DNAJC2: variants seen among roughly 807,000 people sequenced by gnomAD.
DNAJC2 encodes the protein DnaJ heat shock protein family (Hsp40) member C2, also known as dnaJ homolog subfamily C member 2.
A neutral mutation model predicts 94.0 loss-of-function variants in DNAJC2; 32 were observed. The ratio of observed to expected loss-of-function variants is 0.34; its 90% CI spans 0.26 to 0.46. The LOEUF is 0.46. Ranked by LOEUF, DNAJC2 falls within the 20% of genes least tolerant of loss-of-function variation. The pLI is 1.00. For missense variants in DNAJC2, 550 were observed against 719.5 expected (o/e 0.76, Z 2.69); for synonymous variants, 210 against 229.7 (o/e 0.91, Z 0.77).
At chr7:103,313,430 T>C in intron 15 of DNAJC2, 1 of 984,068 alleles carries the variant, frequency 1.0e-6, no homozygotes. Flanking sequence ...ACTGTTGGAC[T>C]CTTGGACTCA....
At chr7:103,319,458 G>C (rs530852162) in intron 12 of DNAJC2, 151 bp downstream of exon 12, 9 of 830,680 alleles carry the variant, frequency 1.1e-5, no homozygotes, top group Non-Finnish European at 1.7e-5. Context: ...CCAAAAAACC[G>C]AACACATAAA....
chr7:103,315,676 C>T (rs751342677), intron 15 of DNAJC2, 88 bp downstream of exon 15: 28 of 785,502 alleles, frequency 3.6e-5, no homozygotes, highest in Non-Finnish European at 5.6e-5. Context: ...ATTTCCCTAT[C>T]ATTCTGAACA....
intron 3 of DNAJC2, chr7:103,336,511 T>C (rs1001202645): frequency 6.6e-6 from 1 of 152,110 alleles, no homozygotes; most frequent in East Asian, 1.9e-4. Flanking sequence ...ACCCAGCTAA[T>C]TTTTTTGTAT....
rs189568072 is a variant in DNAJC2, at chr7:103,319,465, T to C, written c.1242+144A>G. ...ACAAAAAACCAAAAAACCGAACACA[T>C]AAAACAACAACAACAAAACAGTGGG... is the stretch of plus-strand genomic sequence containing the variant. On this transcript the variant is annotated intron_variant, in intron 12 of 16. Transcript: ENST00000379263. The C allele has an allele frequency of 2.7e-5, 24 of 892,768 alleles. No individual in the cohort carries two copies. In the Admixed American group the frequency reaches 6.0e-4, roughly 22 times the overall value. The allele number at this position is 892,768 out of a possible 1,614,324, so 55.3% of individuals were successfully genotyped here.
At chr7:103,326,490 T>A in intron 5 of DNAJC2, 53 bp downstream of exon 5, 1 of 1,579,888 alleles carries the variant, frequency 6.3e-7, no homozygotes, top group South Asian at 1.1e-5. Context: ...CCTGGAAGAC[T>A]ACAATAAACA....
chr7:103,323,227 G>T (rs1420365797), intron 7 of DNAJC2, among the ~76,000 whole-genome samples: 1 of 152,082 alleles, frequency 6.6e-6, no homozygotes, highest in Non-Finnish European at 1.5e-5. Context: ...AGCACGCCCG[G>T]CCTAAACAGT....
At chr7:103,335,534 CTTTCT>C (rs1299906763) in intron 3 of DNAJC2, 1 of 150,098 alleles carries the variant, frequency 6.7e-6, no homozygotes, top group African/African-American at 2.4e-5. Context: ...TTCTTTCTTT[CTTTCT>C]TTTTTTTTTT....
At chr7:103,337,614 A>G in intron 3 of DNAJC2, 122 bp downstream of exon 3, 1 of 785,066 alleles carries the variant, frequency 1.3e-6, no homozygotes, top group Admixed American at 2.7e-5. Context: ...TTATGACAAT[A>G]TAACACATGC....
In DNAJC2 at chr7:103,319,812, C is replaced by G; in HGVS notation, c.1116G>C (p.Glu372Asp). 6.2e-7 allele frequency: 1 copy of G among 1,614,174 alleles called. No homozygotes were observed. The highest frequency in any genetic ancestry group is 8.5e-7 in the Non-Finnish European group (1 of 1,180,024). Residue 372 changes from glutamate to aspartate, a missense_variant, in exon 11 of 17, where the codon GAG becomes GAC. Transcript: ENST00000379263. The stretch of plus-strand genomic sequence containing the variant: ...CCACTTCTTCCATCATTTTAACCCG[C>G]TCTGCCTCATTATCAGAAAAATGAT... The part of the protein sequence containing the change: ...TWNHFSDNEA[E>D]RVKMMEEVEK...
intron 10 of DNAJC2, 44 bp from the exon 11 acceptor site, chr7:103,319,888 A>G: frequency 1.3e-6 from 2 of 1,589,872 alleles, no homozygotes; most frequent in Non-Finnish European, 1.7e-6. Flanking sequence ...TCAAAAATAC[A>G]TCCATCAACA....
rs1032604057 is a variant in DNAJC2 at position 103,319,952 on chromosome 7, T to C, written c.1084-108A>G. 4.1e-6 allele frequency: 5 copies of C among 1,207,988 alleles called. No homozygotes were observed. The Admixed American group carries it at 7.4e-5, about 18-fold the overall frequency. The allele number at this position is 1,207,988 out of a possible 1,614,324, so 74.8% of individuals were successfully genotyped here. ...CGGGAGGCTGAGGCAGGAGAATCGC[T>C]TGAACCTGGAGGCGGAAATTGCAGC... On this transcript the variant is annotated intron_variant, in intron 10 of 16. Coordinates refer to ENST00000379263, the MANE Select transcript of DNAJC2 (RefSeq NM_014377.3).
At chr7:103,334,617 TA>T (rs920334611) in intron 3 of DNAJC2, among the ~76,000 whole-genome samples, 169 of 141,822 alleles carry the variant, frequency 1.2e-3, no homozygotes, top group South Asian at 2.7e-3. Context: ...TTTTTTTAAT[TA>T]AAAAAAAAAA....
intron 3 of DNAJC2, chr7:103,335,141 C>T (rs1425339931): frequency 1.3e-5 from 2 of 152,086 alleles, no homozygotes; most frequent in African/African-American, 2.4e-5. Context: ...GCTCCTACTT[C>T]ACACTTAATT....
chr7:103,327,199 G>C lies in DNAJC2; in HGVS notation c.430+457C>G, dbSNP rs1244193428. 18 of 407,442 alleles carry C rather than the reference G, an allele frequency of 4.4e-5. 1 individual carries two copies. Among genetic ancestry groups the C allele is most frequent in the South Asian group, 3.3e-4 (16 of 48,228 alleles). The allele number at this position is 407,442 out of a possible 1,614,324, so 25.2% of individuals were successfully genotyped here. A position where few individuals can be genotyped will look rare whatever the true frequency, so the allele number is the denominator to read the frequency against. ...ATAGCAATAAGTAACTGTAGGGTCT[G>C]TACTAGGATATAATCAACTTCTTGA... On this transcript the variant is annotated intron_variant, in intron 4 of 16. Coordinates refer to ENST00000379263, the MANE Select transcript of DNAJC2 (RefSeq NM_014377.3).
rs1817795916 is a variant in DNAJC2, at chr7:103,312,421, T to C, written c.*148A>G. The C allele has an allele frequency of 5.3e-6, 8 of 1,508,962 alleles. No homozygotes were observed. In the South Asian group the frequency reaches 9.2e-5, roughly 17 times the overall value. 93.5% of individuals were successfully genotyped at this position (1,508,962 alleles called of 1,614,324 possible). Reference sequence around the variant, plus strand: ...AAAAAGACTACCCCTCTGAAGGTTGTTTTGTATTAATGGTCAGTCTTTGTT... The same window carrying C: ...AAAAAGACTACCCCTCTGAAGGTTGCTTTGTATTAATGGTCAGTCTTTGTT... On this transcript the variant is annotated 3_prime_UTR_variant, in exon 17 of 17. Transcript: ENST00000379263.
In DNAJC2 at chr7:103,322,707, T is replaced by C; in HGVS notation, c.807A>G (p.Leu269=). The C allele has an allele frequency of 6.2e-7, 1 of 1,612,448 alleles. No individual in the cohort carries two copies. Among genetic ancestry groups the C allele is most frequent in the Admixed American group, 1.7e-5 (1 of 60,002 alleles). ...KKEEMNRIRT[L]VDNAYSCDPR... ...ACTTAAATCAATTCTACTTACCAACTAATGTTCTTATTCTGTTCATTTCTT... is the reference window on the plus strand; with the variant it reads ...ACTTAAATCAATTCTACTTACCAACCAATGTTCTTATTCTGTTCATTTCTT... The change falls in exon 8 of 17, where the codon TTA becomes TTG. Residue 269 remains leucine, a synonymous_variant. Coordinates refer to ENST00000379263, the MANE Select transcript of DNAJC2 (RefSeq NM_014377.3).
intron 5 of DNAJC2, among the ~76,000 whole-genome samples, chr7:103,324,910 T>C (rs1818620638): frequency 6.6e-6 from 1 of 152,158 alleles, no homozygotes; most frequent in Non-Finnish European, 1.5e-5. Flanking sequence ...TGTCCCTAAA[T>C]AGTCAGCACA....
In DNAJC2 at chr7:103,322,554, G is replaced by C; in HGVS notation, c.890C>G (p.Ala297Gly). 1 of 1,573,810 alleles carries C rather than the reference G, an allele frequency of 6.4e-7. No individual in the cohort carries two copies. Among genetic ancestry groups the C allele is most frequent in the Non-Finnish European group, 8.7e-7 (1 of 1,149,530 alleles). Residue 297 changes from alanine (A) to glycine (G), a missense_variant, in exon 9 of 17, where the codon GCA becomes GGA. Around this residue, in one of 2 missense-constraint regions of DNAJC2, gnomAD observed 279 missense variants for 416.9 expected, o/e 0.67. Transcript: ENST00000379263. The stretch of plus-strand genomic sequence containing the variant: ...CTCCTTCCGTTTAGCTTCTGCTTTT[G>C]CTTTCTTTTCTGCTTCTTTCTTGGC... ...EKAKKEAEKK[A>G]KAEAKRKEQE... is the part of the protein sequence containing the mutation.
chr7:103,315,861 T>C lies in DNAJC2; in HGVS notation c.1539A>G (p.Gln513=). The C allele has an allele frequency of 6.2e-7, 1 of 1,611,608 alleles. No homozygotes were observed. Among genetic ancestry groups the C allele is most frequent in the Non-Finnish European group, 8.5e-7 (1 of 1,178,020 alleles). ...AKSLQKLDPH[Q]KDDINKKAFD... ...ATGCCTTTTTATTTATGTCATCTTT[T>C]TGATGAGGGTCTGAGAAATGAAAAA... The change falls in exon 15 of 17, where the codon CAA becomes CAG. Residue 513 remains glutamine (Q), a synonymous_variant. Coordinates refer to ENST00000379263, the MANE Select transcript of DNAJC2 (RefSeq NM_014377.3).
Sources: gnomAD v4.1 joint callset for allele counts (sites outside exome capture counted in the v4.1 genomes callset) on GRCh38, gnomAD v4.1.1 for gene constraint, gnomAD v4.1.1 regional missense constraint, MANE v1.5 for transcripts, NCBI Gene and HGNC (gene_info 2026-07-23, HGNC 2026-07-21) for gene names.